The following ZSCAN20 variants were observed in gnomAD, a reference collection of about 807,000 sequenced individuals.
ZSCAN20 encodes the protein zinc finger and SCAN domain-containing protein 20.
A neutral mutation model predicts 97.1 loss-of-function variants in ZSCAN20; 39 were observed. The observed-to-expected ratio is 0.40, with a 90% CI of 0.31 to 0.52. The LOEUF (loss-of-function observed/expected upper bound fraction) is 0.52, where lower values mean the gene tolerates loss of function less well. ZSCAN20 is among the 20% of genes least tolerant of loss of function. The pLI is 0.49. For synonymous variants in ZSCAN20, 456 were observed against 467.3 expected (o/e 0.98, Z 0.31); for missense variants, 1,115 against 1,290.4 (o/e 0.86, Z 2.08).
chr1:33,501,232 G>A lies in ZSCAN20; in HGVS notation c.*5756G>A, dbSNP rs572345331. 2.2e-4 allele frequency among the ~76,000 whole-genome samples: 34 copies of A among 152,308 alleles called. No individual in the cohort carries two copies. The highest frequency in any genetic ancestry group is 7.7e-4 in the African/African-American group (32 of 41,566). ...GAGGTAAGGCCAGCTAGGCTGGAGC[G>A]CCAGCATCAGTAGTAGGGGCAGGAG... On this transcript the variant is annotated 3_prime_UTR_variant, in exon 8 of 8. Transcript: ENST00000684572.
chr1:33,479,489 G>A lies in ZSCAN20; in HGVS notation c.201G>A (p.Glu67=), dbSNP rs1199962759. ...FQYRDAAGPH[E]AFSQLWALCC... is the part of the protein sequence containing the mutation. Reference sequence around the variant, plus strand: ...ACAGGGATGCAGCTGGACCCCACGAGGCCTTCAGCCAGCTCTGGGCTCTCT... The same window carrying A: ...ACAGGGATGCAGCTGGACCCCACGAAGCCTTCAGCCAGCTCTGGGCTCTCT... Residue 67 remains glutamate, a synonymous_variant, in exon 2 of 8, where the codon GAG becomes GAA. Coordinates refer to ENST00000684572, the MANE Select transcript of ZSCAN20 (RefSeq NM_001377376.1). 2 of 1,613,488 alleles carry A rather than the reference G, an allele frequency of 1.2e-6. No individual in the cohort carries two copies. The highest frequency in any genetic ancestry group is 1.7e-6 in the Non-Finnish European group (2 of 1,179,510).
chr1:33,475,308 CA>C (rs1414525469), intron 1 of ZSCAN20, among the ~76,000 whole-genome samples: 2 of 152,180 alleles, frequency 1.3e-5, no homozygotes, highest in African/African-American at 4.8e-5. Context: ...CATACCTTAT[CA>C]GATAATAATA....
At chr1:33,482,200 G>GT (rs755829030) in intron 2 of ZSCAN20, among the ~76,000 whole-genome samples, 1 of 152,268 alleles carries the variant, frequency 6.6e-6, no homozygotes, top group East Asian at 1.9e-4. Flanking sequence ...CTTCACTGCT[G>GT]TAAAAACCCT....
chr1:33,484,248 A>G (rs1010805486), intron 2 of ZSCAN20, among the ~76,000 whole-genome samples: 2 of 152,280 alleles, frequency 1.3e-5, no homozygotes, highest in African/African-American at 4.8e-5. Flanking sequence ...AGTGAGAGAG[A>G]ACATCCTTGC....
chr1:33,482,443 A>G (rs940124897), intron 2 of ZSCAN20, among the ~76,000 whole-genome samples: 1 of 152,114 alleles, frequency 6.6e-6, no homozygotes, highest in Admixed American at 6.5e-5. Flanking sequence ...CGTTGTGTGG[A>G]TGTACCACAG....
rs765755570 is a variant in ZSCAN20 at position 33,489,540 on chromosome 1, A to G, written c.704A>G (p.His235Arg). 3.1e-6 allele frequency: 5 copies of G among 1,614,122 alleles called. No homozygotes were observed. The highest frequency in any genetic ancestry group is 1.1e-5 in the South Asian group (1 of 91,078). The change falls in exon 5 of 8, where the codon CAT (histidine) becomes CGT (arginine). Residue 235 changes from histidine (H) to arginine (R), a missense_variant. Physicochemically the swap from His to Arg is conservative, Grantham distance 29 (BLOSUM62 0). Transcript: ENST00000684572. The part of the protein sequence containing the change: ...ESQEALGPGK[H>R]AEKELCKDPP... ...CAGGAAGCCCTGGGCCCTGGCAAAC[A>G]TGCTGAGAAGGAGCTCTGTAAAGAC...
intron 1 of ZSCAN20, among the ~76,000 whole-genome samples, chr1:33,478,221 TG>T (rs1225391086): frequency 6.6e-6 from 1 of 152,072 alleles, no homozygotes; most frequent in African/African-American, 2.4e-5. Context: ...GAGCAGAGGT[TG>T]GGGTGAGGTG....
Position 33,488,644 on chromosome 1 carries a change from A to G in ZSCAN20, c.597A>G (p.Lys199=). Residue 199 remains lysine (K), a synonymous_variant, in exon 3 of 8, where the codon AAA becomes AAG. Transcript: ENST00000684572. ...CCGAGGTGGCACCACAGCCTTTGAA[A>G]GAGAGTGGTGAGTACATCTGAGAAC... ...LNAEVAPQPL[K]ESAVLTPRVP... is the part of the protein sequence containing the mutation. 1 of 1,612,026 alleles carries G rather than the reference A, an allele frequency of 6.2e-7. No homozygotes were observed. Among genetic ancestry groups the G allele is most frequent in the Admixed American group, 1.7e-5 (1 of 59,510 alleles).
In ZSCAN20 at chr1:33,500,808, T is replaced by A. The variant is rs1306191153; in HGVS notation, c.*5332T>A. Among the ~76,000 whole-genome samples, 1 of 151,846 alleles carries A rather than the reference T, an allele frequency of 6.6e-6. No individual in the cohort carries two copies. The highest frequency in any genetic ancestry group is 1.5e-5 in the Non-Finnish European group (1 of 67,998). On this transcript the variant is annotated 3_prime_UTR_variant, in exon 8 of 8. Coordinates refer to ENST00000684572, the MANE Select transcript of ZSCAN20 (RefSeq NM_001377376.1). ...CCTGGAGCAGCATGACAGATGTATC[T>A]GAGCCCAAGCAGGAGAGGAGCCACA... is the stretch of plus-strand genomic sequence containing the variant.
chr1:33,478,928 G>C (rs1652033261), intron 1 of ZSCAN20, among the ~76,000 whole-genome samples: 1 of 152,166 alleles, frequency 6.6e-6, no homozygotes, highest in Non-Finnish European at 1.5e-5. Context: ...CATTTTGTGA[G>C]CACTCACTGT....
intron 1 of ZSCAN20, among the ~76,000 whole-genome samples, chr1:33,475,268 C>T (rs1570541883): frequency 1.3e-5 from 2 of 152,306 alleles, no homozygotes; most frequent in East Asian, 3.9e-4. Context: ...CACTCAGTTT[C>T]CCTTTAGGTA....
At position 33,494,924 on chromosome 1, in the gene ZSCAN20, G is replaced by C. The variant is rs746732755; in HGVS notation, c.2580G>C (p.Leu860Phe). The C allele has an allele frequency of 2.4e-5, 39 of 1,614,178 alleles. No homozygotes were observed. Among genetic ancestry groups the C allele is most frequent in the Non-Finnish European group, 2.9e-5 (34 of 1,180,046 alleles). The change falls in exon 8 of 8, where the codon TTG becomes TTC. Residue 860 changes from leucine (L) to phenylalanine (F), a missense_variant. By Grantham distance (22) the Leu-to-Phe change is conservative (BLOSUM62 0). Transcript: ENST00000684572. ...PEQPQSISKD[L>F]NSPGPHSTNS... The stretch of plus-strand genomic sequence containing the variant: ...AACCTCAAAGTATCAGTAAGGACTT[G>C]AATTCTCCTGGACCACACAGCACAA...
At chr1:33,486,511 T>G (rs1652372131) in intron 2 of ZSCAN20, among the ~76,000 whole-genome samples, 1 of 152,232 alleles carries the variant, frequency 6.6e-6, no homozygotes, top group South Asian at 2.1e-4. Flanking sequence ...GCTTTTTACT[T>G]GTTACTGTAG....
rs759531433 is a variant in ZSCAN20, at chr1:33,491,508, C to T, written c.1250C>T (p.Ala417Val). ...ALVRARTAIR[A>V]TDGPGEAVAL... ...GTCAGGGCTCGGACAGCCATCAGAG[C>T]CACAGATGGCCCAGGAGAGGCCGTG... Residue 417 changes from alanine to valine, a missense_variant, in exon 6 of 8, where the codon GCC (alanine) becomes GTC (valine). Coordinates refer to ENST00000684572, the MANE Select transcript of ZSCAN20 (RefSeq NM_001377376.1). This position sits in a 1 kb window ranked among gnomAD's most constrained non-coding sequence, Gnocchi z 4.3. The T allele has an allele frequency of 1.2e-6, 2 of 1,613,980 alleles. No homozygotes were observed. The highest frequency in any genetic ancestry group is 1.7e-5 in the Admixed American group (1 of 60,016).
At chr1:33,484,974 A>G (rs563020343) in intron 2 of ZSCAN20, among the ~76,000 whole-genome samples, 15 of 152,118 alleles carry the variant, frequency 9.9e-5, no homozygotes, top group Non-Finnish European at 1.8e-4. Context: ...CTTGTCTTGT[A>G]AGTAATTTCT....
rs1291943967 is a variant in ZSCAN20, at chr1:33,498,771, CCCCTTGATTT to C, written c.*3297_*3306del. ...GGATCGTCTCCCCAGATGGCTGCCT[CCCCTTGATTT>C]CTTCACCCTCCACCTCAAGAAGGGC... On this transcript the variant is annotated 3_prime_UTR_variant, in exon 8 of 8. Coordinates refer to ENST00000684572, the MANE Select transcript of ZSCAN20 (RefSeq NM_001377376.1). 5.3e-5 allele frequency among the ~76,000 whole-genome samples: 8 copies of C among 152,148 alleles called. No homozygotes were observed. Among genetic ancestry groups the C allele is most frequent in the Non-Finnish European group, 1.0e-4 (7 of 68,012 alleles).
In ZSCAN20 at chr1:33,494,515, A is replaced by G; in HGVS notation, c.2171A>G (p.His724Arg). Residue 724 changes from histidine to arginine, a missense_variant, in exon 8 of 8, where the codon CAC (histidine) becomes CGC (arginine). This residue lies in a region of ZSCAN20 where 554 missense variants were observed against 584.9 expected (regional missense o/e 0.95). Transcript: ENST00000684572. ...ATGAAGAGCTTCAGTCGGAGCTCCCACTTCATTGCCCATCAGCGAATCCAC... is the reference window on the plus strand; with the variant it reads ...ATGAAGAGCTTCAGTCGGAGCTCCCGCTTCATTGCCCATCAGCGAATCCAC... The part of the protein sequence containing the change: ...TCMKSFSRSS[H>R]FIAHQRIHTG... 6.2e-7 allele frequency: 1 copy of G among 1,614,246 alleles called. No homozygotes were observed. The highest frequency in any genetic ancestry group is 1.1e-5 in the South Asian group (1 of 91,086).
At chr1:33,482,262 T>A (rs1274339110) in intron 2 of ZSCAN20, among the ~76,000 whole-genome samples, 1 of 152,176 alleles carries the variant, frequency 6.6e-6, no homozygotes, top group Admixed American at 6.5e-5. Context: ...GCAACACCGA[T>A]CTTTATACTG....
chr1:33,497,007 A>G lies in ZSCAN20; in HGVS notation c.*1531A>G, dbSNP rs1557449771. Among the ~76,000 whole-genome samples, 1 of 152,244 alleles carries G rather than the reference A, an allele frequency of 6.6e-6. No homozygotes were observed. The highest frequency in any genetic ancestry group is 1.5e-5 in the Non-Finnish European group (1 of 68,046). ...GACTTCGGTTTCCATAGGACTTTAA[A>G]GGAAAATCCCCCTCCTGCCATCCTC... On this transcript the variant is annotated 3_prime_UTR_variant, in exon 8 of 8. Transcript: ENST00000684572.
Sources: allele counts gnomAD v4.1 joint callset (sites outside exome capture counted in the v4.1 genomes callset), GRCh38; gene constraint gnomAD v4.1.1; regional missense constraint gnomAD v4.1.1; non-coding constraint Gnocchi (gnomAD v3.1); transcripts MANE v1.5; gene names NCBI Gene and HGNC (gene_info 2026-07-23, HGNC 2026-07-21).